The following ZC3H10 variants were observed in gnomAD, a reference collection of about 807,000 sequenced individuals.
The protein encoded by ZC3H10 is zinc finger CCCH domain-containing protein 10.
Under a neutral mutation model 24.3 loss-of-function variants are expected in ZC3H10, and 12 were observed. The ratio of observed to expected loss-of-function variants is 0.49; its 90% CI spans 0.32 to 0.80. The LOEUF (loss-of-function observed/expected upper bound fraction) is 0.80, where lower values mean the gene tolerates loss of function less well. Among genes scored for constraint, ZC3H10 ranks in the 30% least tolerant of loss-of-function variants. The pLI is 0.04. For synonymous variants in ZC3H10, 226 were observed against 217.0 expected (o/e 1.04, Z -0.36); for missense variants, 360 against 576.3 (o/e 0.62, Z 3.84).
chr12:56,120,137 G>A, intron 2 of ZC3H10: 1 of 884,234 alleles, frequency 1.1e-6, no homozygotes, highest in Non-Finnish European at 1.4e-6. Context: ...TAGTAGCTCA[G>A]TAGCCCATCT....
rs1331589107 is a variant in ZC3H10 at position 56,127,147 on chromosome 12, C to G, written c.*5280C>G. The G allele has an allele frequency of 6.6e-6, 1 of 152,174 alleles. No individual in the cohort carries two copies. Among genetic ancestry groups the G allele is most frequent in the Non-Finnish European group, 1.5e-5 (1 of 68,010 alleles). The allele number at this position is 152,174 out of a possible 1,614,324, so 9.4% of individuals were successfully genotyped here. ...TTCCAATTAGTCTAGTTCCTAGATC[C>G]TAGGACAACACTCCACCTCTAACGC... On this transcript the variant is annotated 3_prime_UTR_variant, in exon 3 of 3. Coordinates refer to ENST00000257940, the MANE Select transcript of ZC3H10 (RefSeq NM_032786.3).
In ZC3H10 at chr12:56,121,382, C is replaced by T; in HGVS notation, c.820C>T (p.Gln274Ter). ...TNEVLLEQNA[Q>*]FRNQAKVITL... ...TGAGGTACTACTGGAACAAAATGCTCAGTTCCGCAATCAGGCCAAGGTCAT... is the reference window on the plus strand; with the variant it reads ...TGAGGTACTACTGGAACAAAATGCTTAGTTCCGCAATCAGGCCAAGGTCAT... The change falls in exon 3 of 3, where the codon CAG (glutamine) becomes TAG (stop). Residue 274 changes from glutamine (Q) to a stop codon, truncating the protein, a stop_gained. Coordinates refer to ENST00000257940, the MANE Select transcript of ZC3H10 (RefSeq NM_032786.3). LOFTEE classifies it high-confidence loss of function. The surrounding 1 kb of genome is among the most constrained non-coding windows in gnomAD (Gnocchi z 6.2). 1 of 1,614,148 alleles carries T rather than the reference C, an allele frequency of 6.2e-7. No homozygotes were observed. Among genetic ancestry groups the T allele is most frequent in the Non-Finnish European group, 8.5e-7 (1 of 1,180,020 alleles).
rs756653414 is a variant in ZC3H10 at position 56,124,279 on chromosome 12, C to T, written c.*2412C>T. ...AGTGATTTTGTTTTTTGTCTCACTT[C>T]ATCGCAGTCACTGAGTGACCTTGTC... is the stretch of plus-strand genomic sequence containing the variant. On this transcript the variant is annotated 3_prime_UTR_variant, in exon 3 of 3. Transcript: ENST00000257940. 2 of 152,194 alleles carry T rather than the reference C, an allele frequency of 1.3e-5. No homozygotes were observed. Among genetic ancestry groups the T allele is most frequent in the Non-Finnish European group, 2.9e-5 (2 of 68,034 alleles). The allele number at this position is 152,194 out of a possible 1,614,324, so 9.4% of individuals were successfully genotyped here. A position where few individuals can be genotyped will look rare whatever the true frequency, so the allele number is the denominator to read the frequency against.
chr12:56,120,426 C>T (rs1869773412), intron 2 of ZC3H10, 85 bp from the exon 3 acceptor site: 9 of 1,390,922 alleles, frequency 6.5e-6, no homozygotes, highest in Non-Finnish European at 8.4e-6. Context: ...AAAGCCATTG[C>T]CCCTCTGGGC....
In ZC3H10 at chr12:56,122,214, A is replaced by T. The variant is rs1255173628; in HGVS notation, c.*347A>T. 4.0e-6 allele frequency: 1 copy of T among 250,702 alleles called. No homozygotes were observed. Among genetic ancestry groups the T allele is most frequent in the Non-Finnish European group, 8.2e-6 (1 of 121,628 alleles). 15.5% of individuals were successfully genotyped at this position (250,702 alleles called of 1,614,324 possible). ...TCTTCTGCACAGCACAGGTTCCAGC[A>T]CTGGTTTTAGAAGAAAAAAATACCC... On this transcript the variant is annotated 3_prime_UTR_variant, in exon 3 of 3. Coordinates refer to ENST00000257940, the MANE Select transcript of ZC3H10 (RefSeq NM_032786.3).
chr12:56,121,621 C>G lies in ZC3H10; in HGVS notation c.1059C>G (p.Pro353=). Residue 353 remains proline (P), a synonymous_variant, in exon 3 of 3, where the codon CCC becomes CCG. Transcript: ENST00000257940. The surrounding 1 kb of genome is among the most constrained non-coding windows in gnomAD (Gnocchi z 6.2). ...CTGCACCTCCTGCTGCTCCACCACC[C>G]CCACCCCCACACTTGACCCCAGAGA... ...TNAAPPAAPP[P]PPPHLTPEIT... 1 of 1,613,122 alleles carries G rather than the reference C, an allele frequency of 6.2e-7. No individual in the cohort carries two copies. The highest frequency in any genetic ancestry group is 8.5e-7 in the Non-Finnish European group (1 of 1,179,334).
Position 56,120,896 on chromosome 12 carries a change from C to T in ZC3H10, c.334C>T (p.Pro112Ser). 6.2e-7 allele frequency: 1 copy of T among 1,614,164 alleles called. No individual in the cohort carries two copies. Among genetic ancestry groups the T allele is most frequent in the Admixed American group, 1.7e-5 (1 of 60,016 alleles). Residue 112 changes from proline (P) to serine (S), a missense_variant, in exon 3 of 3, where the codon CCC (proline) becomes TCC (serine). By Grantham distance (74) the Pro-to-Ser change is moderately conservative. Transcript: ENST00000257940. ...EDGYKKTGEL[P>S]PRLRQKVAAG... is the part of the protein sequence containing the mutation. Reference sequence around the variant, plus strand: ...TGGCTATAAGAAGACAGGAGAGCTTCCCCCACGGCTGAGGCAGAAAGTAGC... The same window carrying T: ...TGGCTATAAGAAGACAGGAGAGCTTTCCCCACGGCTGAGGCAGAAAGTAGC...
rs2136859726 is a variant in ZC3H10 at position 56,123,529 on chromosome 12, C to T, written c.*1662C>T. ...CTGCGCCTCCTGGGTTCAAGCGATT[C>T]TCTTGCGTCAGCCTCCCGAGTAGCT... On this transcript the variant is annotated 3_prime_UTR_variant, in exon 3 of 3. Transcript: ENST00000257940. The T allele has an allele frequency of 6.6e-6, 1 of 150,898 alleles. No homozygotes were observed. Among genetic ancestry groups the T allele is most frequent in the Middle Eastern group, 3.4e-3 (1 of 290 alleles). The allele number at this position is 150,898 out of a possible 1,614,324, so 9.3% of individuals were successfully genotyped here.
rs1440212042 is a variant in ZC3H10 at position 56,121,660 on chromosome 12, A to G, written c.1098A>G (p.Ser366=). 6.2e-7 allele frequency: 1 copy of G among 1,610,934 alleles called. No homozygotes were observed. Among genetic ancestry groups the G allele is most frequent in the Non-Finnish European group, 8.5e-7 (1 of 1,179,428 alleles). ...TGACCCCAGAGATCACGCCACTGTC[A>G]GCTGCCCTGGCTCAAACAATTGCCC... ...PHLTPEITPL[S]AALAQTIAQG... is the part of the protein sequence containing the mutation. Residue 366 remains serine (S), a synonymous_variant, in exon 3 of 3, where the codon TCA becomes TCG. Transcript: ENST00000257940. The surrounding 1 kb of genome is among the most constrained non-coding windows in gnomAD (Gnocchi z 6.2).
In ZC3H10 at chr12:56,124,627, A is replaced by G. The variant is rs1258897321; in HGVS notation, c.*2760A>G. 6 of 152,260 alleles carry G rather than the reference A, an allele frequency of 3.9e-5. No homozygotes were observed. The highest frequency in any genetic ancestry group is 1.4e-4 in the African/African-American group (6 of 41,470). The allele number at this position is 152,260 out of a possible 1,614,324, so 9.4% of individuals were successfully genotyped here. A position where few individuals can be genotyped will look rare whatever the true frequency, so the allele number is the denominator to read the frequency against. On this transcript the variant is annotated 3_prime_UTR_variant, in exon 3 of 3. Coordinates refer to ENST00000257940, the MANE Select transcript of ZC3H10 (RefSeq NM_032786.3). ...TATGTTAGAGAAATCTCTGTTCTCTAGTGATAAGCCCAAGGGCTATGTTTT... is the reference window on the plus strand; with the variant it reads ...TATGTTAGAGAAATCTCTGTTCTCTGGTGATAAGCCCAAGGGCTATGTTTT...
chr12:56,123,127 A>T lies in ZC3H10; in HGVS notation c.*1260A>T, dbSNP rs189787556. 202 of 152,340 alleles carry T rather than the reference A, an allele frequency of 1.3e-3. 1 individual carries two copies. Among genetic ancestry groups the T allele is most frequent in the African/African-American group, 4.6e-3 (191 of 41,572 alleles). The allele number at this position is 152,340 out of a possible 1,614,324, so 9.4% of individuals were successfully genotyped here. ...GTAAGGCCAGGGGCCCCAATAGTCAAACCTCAGTTCCTCCTCAGCTCACGG... is the reference window on the plus strand; with the variant it reads ...GTAAGGCCAGGGGCCCCAATAGTCATACCTCAGTTCCTCCTCAGCTCACGG... On this transcript the variant is annotated 3_prime_UTR_variant, in exon 3 of 3. Transcript: ENST00000257940.
chr12:56,123,491 G>A lies in ZC3H10; in HGVS notation c.*1624G>A, dbSNP rs542335085. On this transcript the variant is annotated 3_prime_UTR_variant, in exon 3 of 3. Coordinates refer to ENST00000257940, the MANE Select transcript of ZC3H10 (RefSeq NM_032786.3). ...GACCGGAGTGCAGTGGCGCAATCTC[G>A]GTTCACTGTAACCTGCGCCTCCTGG... The A allele has an allele frequency of 3.3e-5, 5 of 149,760 alleles. No homozygotes were observed. The highest frequency in any genetic ancestry group is 6.7e-5 in the Admixed American group (1 of 15,002). The allele number at this position is 149,760 out of a possible 1,614,324, so 9.3% of individuals were successfully genotyped here.
rs1490734819 is a variant in ZC3H10 at position 56,126,788 on chromosome 12, T to A, written c.*4921T>A. The stretch of plus-strand genomic sequence containing the variant: ...AGGAGACAGAATATTGTTTCTTAAA[T>A]AGTTCTGCAAACTGAATGAAGCAGT... On this transcript the variant is annotated 3_prime_UTR_variant, in exon 3 of 3. Coordinates refer to ENST00000257940, the MANE Select transcript of ZC3H10 (RefSeq NM_032786.3). The A allele has an allele frequency of 3.3e-5, 5 of 152,232 alleles. No homozygotes were observed. The highest frequency in any genetic ancestry group is 9.6e-5 in the African/African-American group (4 of 41,454). 9.4% of individuals were successfully genotyped at this position (152,232 alleles called of 1,614,324 possible).
chr12:56,125,362 A>G lies in ZC3H10; in HGVS notation c.*3495A>G, dbSNP rs981106880. On this transcript the variant is annotated 3_prime_UTR_variant, in exon 3 of 3. Transcript: ENST00000257940. ...ACGCCATTCTGCTGCCTCAGCCTCC[A>G]GAGTAGCTGGGACTATAGGTGCCCA... 1.3e-5 allele frequency: 2 copies of G among 149,266 alleles called. No individual in the cohort carries two copies. The highest frequency in any genetic ancestry group is 2.5e-5 in the African/African-American group (1 of 40,428). The allele number at this position is 149,266 out of a possible 1,614,324, so 9.2% of individuals were successfully genotyped here.
At chr12:56,120,439 C>T in intron 2 of ZC3H10, 72 bp from the exon 3 acceptor site, 1 of 1,394,222 alleles carries the variant, frequency 7.2e-7, no homozygotes, top group Non-Finnish European at 9.3e-7. Context: ...CTCTGGGCCA[C>T]CTGCTTTATA....
intron 2 of ZC3H10, chr12:56,120,205 TC>T: frequency 1.9e-6 from 2 of 1,048,370 alleles, no homozygotes; most frequent in Non-Finnish European, 2.3e-6. Flanking sequence ...AGTTTTAATT[TC>T]ACTTCCACAA....
rs1268940875 is a variant in ZC3H10, at chr12:56,118,298, C to G, written c.-137C>G. 6.5e-6 allele frequency: 1 copy of G among 153,462 alleles called. No individual in the cohort carries two copies. The highest frequency in any genetic ancestry group is 1.5e-5 in the Non-Finnish European group (1 of 68,518). The allele number at this position is 153,462 out of a possible 1,614,324, so 9.5% of individuals were successfully genotyped here. A position where few individuals can be genotyped will look rare whatever the true frequency, so the allele number is the denominator to read the frequency against. On this transcript the variant is annotated 5_prime_UTR_variant, in exon 1 of 3. Coordinates refer to ENST00000257940, the MANE Select transcript of ZC3H10 (RefSeq NM_032786.3). ...CTAGAGGACCGGCAGGCGGCAGCAG[C>G]AACTACGGCGGCGGCGGCAGGTGAG...
rs1870011611 is a variant in ZC3H10 at position 56,126,871 on chromosome 12, A to ATC, written c.*5004_*5005insTC. 6.6e-6 allele frequency: 1 copy of ATC among 152,204 alleles called. No individual in the cohort carries two copies. Among genetic ancestry groups the ATC allele is most frequent in the Admixed American group, 6.5e-5 (1 of 15,272 alleles). The allele number at this position is 152,204 out of a possible 1,614,324, so 9.4% of individuals were successfully genotyped here. ...AAGGAAGTGAAAAAATTTAAGTGAT[A>ATC]GAGGCTGAGCAGGGACAGGTTTTAA... On this transcript the variant is annotated 3_prime_UTR_variant, in exon 3 of 3. Coordinates refer to ENST00000257940, the MANE Select transcript of ZC3H10 (RefSeq NM_032786.3).
At position 56,123,756 on chromosome 12, in the gene ZC3H10, A is replaced by C. The variant is rs1334210760; in HGVS notation, c.*1889A>C. On this transcript the variant is annotated 3_prime_UTR_variant, in exon 3 of 3. Transcript: ENST00000257940. ...GAGATGGTTTAAGAGCATTTAGAGA[A>C]GAATGTAACCATAGATACCAACATG... 2 of 152,238 alleles carry C rather than the reference A, an allele frequency of 1.3e-5. No individual in the cohort carries two copies. The highest frequency in any genetic ancestry group is 4.8e-5 in the African/African-American group (2 of 41,464). The allele number at this position is 152,238 out of a possible 1,614,324, so 9.4% of individuals were successfully genotyped here. A position where few individuals can be genotyped will look rare whatever the true frequency, so the allele number is the denominator to read the frequency against.
Sources: gnomAD v4.1 joint callset for allele counts on GRCh38, gnomAD v4.1.1 for gene constraint, Gnocchi (gnomAD v3.1) non-coding constraint, MANE v1.5 for transcripts, NCBI Gene and HGNC (gene_info 2026-07-23, HGNC 2026-07-21) for gene names.